MYRF: variants seen among roughly 807,000 people sequenced by gnomAD.
The protein encoded by MYRF is myelin gene regulatory factor.
MYRF carries 16 observed loss-of-function variants against 126.3 expected under a neutral mutation model. That is an observed-to-expected ratio of 0.13 (90% CI 0.09 to 0.19). The LOEUF (loss-of-function observed/expected upper bound fraction) is 0.19. Among genes scored for constraint, MYRF ranks in the 10% least tolerant of loss-of-function variants. MYRF has a pLI of 1.00. For synonymous variants in MYRF, 608 were observed against 635.3 expected, an observed-to-expected ratio of 0.96 and a Z score of 0.65; for missense variants, 1,104 against 1,547.0, an observed-to-expected ratio of 0.71 and a Z score of 4.80.
Position 61,777,982 on chromosome 11 carries a change from A to G in MYRF, c.1903+137A>G. 2 of 706,540 alleles carry G rather than the reference A, an allele frequency of 2.8e-6. No homozygotes were observed. The highest frequency in any genetic ancestry group is 2.4e-6 in the Non-Finnish European group (1 of 415,452). The allele number at this position is 706,540 out of a possible 1,614,324, so 43.8% of individuals were successfully genotyped here. ...GCCCCTGGGAATCATGCCTTCTAGA[A>G]GTCCCGCCCCTCGGACCTTGGAAAA... On this transcript the variant is annotated intron_variant, in intron 13 of 26. Transcript: ENST00000278836. The surrounding 1 kb of genome is among the most constrained non-coding windows in gnomAD (Gnocchi z 8.8).
At chr11:61,764,435 C>T (rs1215107143) in intron 1 of MYRF, among the ~76,000 whole-genome samples, 1 of 152,214 alleles carries the variant, frequency 6.6e-6, no homozygotes, top group Non-Finnish European at 1.5e-5. Flanking sequence ...AATGAGGAGA[C>T]TGAGGCGCAG....
chr11:61,786,521 G>A lies in MYRF; in HGVS notation c.*378G>A. The A allele has an allele frequency of 3.9e-6, 1 of 254,058 alleles. No homozygotes were observed. The allele number at this position is 254,058 out of a possible 1,614,324, so 15.7% of individuals were successfully genotyped here. A position where few individuals can be genotyped will look rare whatever the true frequency, so the allele number is the denominator to read the frequency against. ...CATTCTCCCTTGCCTCCCCTTTTGA[G>A]ACTGGAGCCAACCCTTTTGGAGAGA... On this transcript the variant is annotated 3_prime_UTR_variant, in exon 27 of 27. Transcript: ENST00000278836. The surrounding 1 kb of genome is among the most constrained non-coding windows in gnomAD (Gnocchi z 4.5).
chr11:61,780,383 A>G, intron 18 of MYRF, 93 bp downstream of exon 18: 1 of 1,155,298 alleles, frequency 8.7e-7, no homozygotes, highest in Non-Finnish European at 1.2e-6. Context: ...TCTTCTCTAA[A>G]GGAGTTCATC....
chr11:61,784,148 C>T (rs780414806), intron 24 of MYRF, 132 bp from the exon 25 acceptor site: 25 of 1,013,424 alleles, frequency 2.5e-5, no homozygotes, highest in Non-Finnish European at 3.3e-5. Flanking sequence ...AGGTTTTGTT[C>T]GAGGGCCCTG....
chr11:61,780,688 C>T (rs1295351626), intron 18 of MYRF, 24 bp from the exon 19 acceptor site: 1 of 1,548,652 alleles, frequency 6.5e-7, no homozygotes, highest in African/African-American at 1.4e-5. Context: ...CTGTCTCACC[C>T]TTTGCCTTTT....
At chr11:61,762,604 G>A (rs114313484) in intron 1 of MYRF, among the ~76,000 whole-genome samples, 2,572 of 152,230 alleles carry the variant, frequency 0.017, 75 homozygotes, top group African/African-American at 0.058. Context: ...CTGGGTTCTT[G>A]GGGGCTCTAT....
rs1157116920 is a variant in MYRF, at chr11:61,781,723, C to T, written c.2915C>T (p.Ala972Val). ...CCCTTCCCTGGGGGGCAGGGCAAAG[C>T]CAAGAACAGTCCCAGCCTTGGTTTC... ...AVPFPGGQGKAKNSPSLGFHG... is the reference protein window; with the variant it reads ...AVPFPGGQGKVKNSPSLGFHG... Residue 972 changes from alanine (A) to valine (V), a missense_variant, in exon 22 of 27, where the codon GCC becomes GTC. Around this residue, in one of 10 missense-constraint regions of MYRF, gnomAD observed 323 missense variants for 383.1 expected, o/e 0.84. Transcript: ENST00000278836. The T allele has an allele frequency of 6.2e-7, 1 of 1,613,328 alleles. No individual in the cohort carries two copies. Among genetic ancestry groups the T allele is most frequent in the Admixed American group, 1.7e-5 (1 of 60,024 alleles).
chr11:61,765,775 A>G, intron 2 of MYRF, 63 bp downstream of exon 2: 1 of 1,527,484 alleles, frequency 6.5e-7, no homozygotes, highest in East Asian at 2.4e-5. Context: ...CCCTTCTGTC[A>G]CCAGGGAGGT....
chr11:61,752,876 G>A (rs1429603160), intron 1 of MYRF, 86 bp downstream of exon 1: 1 of 1,296,236 alleles, frequency 7.7e-7, no homozygotes, highest in Non-Finnish European at 1.0e-6. Context: ...TCCTCGCTGT[G>A]TTTCCGCCTC....
In MYRF at chr11:61,765,692, C is replaced by T; in HGVS notation, c.114C>T (p.Ser38=). Residue 38 remains serine, a synonymous_variant, in exon 2 of 27, where the codon AGC becomes AGT. Coordinates refer to ENST00000278836, the MANE Select transcript of MYRF (RefSeq NM_001127392.3). ...CCAGCATCCTGGAGGAGTACATCAG[C>T]AAGGAGGATGCCTCCGACCTGTGAG... ...IDTSILEEYI[S]KEDASDLCFP... 6.2e-7 allele frequency: 1 copy of T among 1,612,748 alleles called. No homozygotes were observed. The highest frequency in any genetic ancestry group is 8.5e-7 in the Non-Finnish European group (1 of 1,179,788).
intron 2 of MYRF, 72 bp downstream of exon 2, chr11:61,765,784 G>A (rs2066039316): frequency 2.0e-6 from 3 of 1,509,698 alleles, no homozygotes; most frequent in Non-Finnish European, 2.7e-6. Flanking sequence ...CACCAGGGAG[G>A]TCTGAGGGCC....
rs773048801 is a variant in MYRF at position 61,776,815 on chromosome 11, G to A, written c.1528G>A (p.Ala510Thr). Residue 510 changes from alanine to threonine, a missense_variant, in exon 11 of 27, where the codon GCT (alanine) becomes ACT (threonine). By Grantham distance (58) the Ala-to-Thr change is moderately conservative. Transcript: ENST00000278836. The surrounding 1 kb of genome is among the most constrained non-coding windows in gnomAD (Gnocchi z 4.3). ...CTTCATGCTGGTGGTGGCCCTCCAG[G>A]CTCATGCACAGAACCAGAACTACAC... Reference protein sequence around the residue: ...RYFMLVVALQAHAQNQNYTLA... With the variant: ...RYFMLVVALQTHAQNQNYTLA... 1.2e-6 allele frequency: 2 copies of A among 1,607,522 alleles called. No homozygotes were observed. Among genetic ancestry groups the A allele is most frequent in the Admixed American group, 1.7e-5 (1 of 59,072 alleles).
intron 1 of MYRF, among the ~76,000 whole-genome samples, chr11:61,761,598 CCCTGGCCACAGCATGG>C (rs1237283000): frequency 2.0e-5 from 3 of 152,242 alleles, no homozygotes; most frequent in African/African-American, 7.2e-5. Context: ...GTAGCCCCGG[CCCTGGCCACAGCATGG>C]CCTGGCCGAG....
chr11:61,780,911 C>T (rs1407802060), intron 19 of MYRF, 49 bp from the exon 20 acceptor site: 6 of 1,603,654 alleles, frequency 3.7e-6, no homozygotes, highest in Admixed American at 1.7e-5. Flanking sequence ...GGCCCTCTCC[C>T]CTCAAGCTCT....
In MYRF at chr11:61,783,421, G is replaced by A; in HGVS notation, c.3017-77G>A. The A allele has an allele frequency of 2.6e-6, 3 of 1,148,454 alleles. No individual in the cohort carries two copies. The highest frequency in any genetic ancestry group is 3.9e-6 in the Non-Finnish European group (3 of 771,304). The allele number at this position is 1,148,454 out of a possible 1,614,324, so 71.1% of individuals were successfully genotyped here. A position where few individuals can be genotyped will look rare whatever the true frequency, so the allele number is the denominator to read the frequency against. On this transcript the variant is annotated intron_variant, in intron 22 of 26. Transcript: ENST00000278836. This position sits in a 1 kb window ranked among gnomAD's most constrained non-coding sequence, Gnocchi z 4.6. ...TATTCATACTAAGGTGTGAGTGACT[G>A]CTTCAAGTCTGGCAAGGAAAGACTT... is the stretch of plus-strand genomic sequence containing the variant.
intron 1 of MYRF, among the ~76,000 whole-genome samples, chr11:61,764,887 G>A (rs1271566675): frequency 6.6e-6 from 1 of 152,228 alleles, no homozygotes; most frequent in Non-Finnish European, 1.5e-5. Context: ...CTGGGAGGCC[G>A]GGGCAAGCCC....
At chr11:61,754,813 G>C (rs936835319) in intron 1 of MYRF, among the ~76,000 whole-genome samples, 1 of 152,214 alleles carries the variant, frequency 6.6e-6, no homozygotes, top group African/African-American at 2.4e-5. Flanking sequence ...ACAGCTCCCA[G>C]CCCCTGCGAT....
rs1027404968 is a variant in MYRF at position 61,788,050 on chromosome 11, A to C, written c.*1907A>C. The C allele has an allele frequency of 6.5e-6, 1 of 152,718 alleles. No homozygotes were observed. The highest frequency in any genetic ancestry group is 6.5e-5 in the Admixed American group (1 of 15,272). 9.5% of individuals were successfully genotyped at this position (152,718 alleles called of 1,614,324 possible). ...CTTGAGGGGGTCAACCTTGGACCAA[A>C]GTTGCCTTAAGCCTGTGGTAAAAGG... is the stretch of plus-strand genomic sequence containing the variant. On this transcript the variant is annotated 3_prime_UTR_variant, in exon 27 of 27. Transcript: ENST00000278836.
At chr11:61,779,175 GC>G (rs2066472162) in intron 14 of MYRF, 87 bp from the exon 15 acceptor site, 1 of 1,400,130 alleles carries the variant, frequency 7.1e-7, no homozygotes, top group Non-Finnish European at 9.5e-7. Flanking sequence ...CGCCCCTCCT[GC>G]CCCCTGATGT....
Sources: allele counts gnomAD v4.1 joint callset (sites outside exome capture counted in the v4.1 genomes callset), GRCh38; gene constraint gnomAD v4.1.1; regional missense constraint gnomAD v4.1.1; non-coding constraint Gnocchi (gnomAD v3.1); transcripts MANE v1.5; gene names NCBI Gene and HGNC (gene_info 2026-07-23, HGNC 2026-07-21).